The following HRG variants were observed in gnomAD, a reference collection of about 807,000 sequenced individuals.
HRG encodes histidine rich glycoprotein.
In HRG, 26 loss-of-function variants were observed where a neutral mutation model predicts 29.5. That is an observed-to-expected ratio of 0.88 (90% CI 0.65 to 1.22). The LOEUF (loss-of-function observed/expected upper bound fraction) is 1.22, where lower values mean the gene tolerates loss of function less well. Among genes scored for constraint, HRG ranks in the 50% most tolerant of loss-of-function variants. The pLI is 0.00. For synonymous variants in HRG, 243 were observed against 240.4 expected (o/e 1.01, Z -0.10); for missense variants, 671 against 654.5 (o/e 1.03, Z -0.28).
intron 1 of HRG, 119 bp from the exon 2 acceptor site, chr3:186,668,816 C>A: frequency 1.4e-6 from 1 of 691,056 alleles, no homozygotes. Context: ...AGAGCATCTG[C>A]AAAGACAGTG....
chr3:186,676,164 C>T (rs148146926), intron 6 of HRG, among the ~76,000 whole-genome samples: 2,404 of 152,026 alleles, frequency 0.016, 60 homozygotes, highest in African/African-American at 0.055. Context: ...CCACCGTGCC[C>T]GGCCTCTGTA....
chr3:186,670,137 A>G (rs1718742354), intron 3 of HRG, 109 bp downstream of exon 3: 1 of 734,018 alleles, frequency 1.4e-6, no homozygotes, highest in East Asian at 2.6e-5. Flanking sequence ...ATTCAGATGT[A>G]TTCATGTATA....
At position 186,677,955 on chromosome 3, in the gene HRG, G is replaced by T. The variant is rs1206114771; in HGVS notation, c.*72G>T. On this transcript the variant is annotated 3_prime_UTR_variant, in exon 7 of 7. Coordinates refer to ENST00000232003, the MANE Select transcript of HRG (RefSeq NM_000412.5). ...AACATAAATAAAATGACCAGTAATT[G>T]TGAAAATTACAGTTCTTTTCAACCT... is the stretch of plus-strand genomic sequence containing the variant. 1.4e-6 allele frequency: 2 copies of T among 1,443,216 alleles called. No homozygotes were observed. Among genetic ancestry groups the T allele is most frequent in the South Asian group, 1.2e-5 (1 of 84,298 alleles). 89.4% of individuals were successfully genotyped at this position (1,443,216 alleles called of 1,614,324 possible).
At chr3:186,669,179 G>A (rs1718707710) in intron 2 of HRG, 128 bp downstream of exon 2, 4 of 765,430 alleles carry the variant, frequency 5.2e-6, no homozygotes, top group South Asian at 4.1e-5. Context: ...GATTCATGAA[G>A]ATGATGTTAA....
chr3:186,677,840 T>C lies in HRG; in HGVS notation c.1535T>C (p.Phe512Ser). The change falls in exon 7 of 7, where the codon TTT becomes TCT. Residue 512 changes from phenylalanine to serine, a missense_variant. Transcript: ENST00000232003. The part of the protein sequence containing the change: ...ESCPGKFKSG[F>S]PQVSMFFTHT... ...TGTCCAGGGAAGTTCAAGAGTGGGT[T>C]TCCACAAGTTTCCATGTTTTTTACA... 4 of 1,614,176 alleles carry C rather than the reference T, an allele frequency of 2.5e-6. No homozygotes were observed. In the South Asian group the frequency reaches 4.4e-5, roughly 18 times the overall value.
In HRG at chr3:186,677,738, C is replaced by T. The variant is rs771755715; in HGVS notation, c.1433C>T (p.Pro478Leu). The T allele has an allele frequency of 8.1e-6, 13 of 1,611,168 alleles. No homozygotes were observed. The East Asian group carries it at 2.9e-4, about 36-fold the overall frequency. ...CTGCCACTTCCTGAGGCCAATTTTC[C>T]CAGCTTCCCATTGCCGCACCACAAA... ...EVLPLPEANFPSFPLPHHKHP... is the reference protein window; with the variant it reads ...EVLPLPEANFLSFPLPHHKHP... Residue 478 changes from proline (P) to leucine (L), a missense_variant, in exon 7 of 7, where the codon CCC (proline) becomes CTC (leucine). Physicochemically the swap from Pro to Leu is moderately conservative, Grantham distance 98 (BLOSUM62 -3). Coordinates refer to ENST00000232003, the MANE Select transcript of HRG (RefSeq NM_000412.5).
chr3:186,666,257 A>G (rs1175511721), intron 1 of HRG, 43 bp downstream of exon 1: 1 of 1,598,412 alleles, frequency 6.3e-7, no homozygotes, highest in African/African-American at 1.3e-5. Context: ...GAGATTACTC[A>G]CGGGGGCAAA....
At chr3:186,669,084 T>C in intron 2 of HRG, 33 bp downstream of exon 2, 2 of 1,128,754 alleles carry the variant, frequency 1.8e-6, no homozygotes, top group East Asian at 2.3e-5. Context: ...CTCTGCTCTT[T>C]TCATTCTTAT....
At chr3:186,675,298 T>TGA (rs1458279876) in intron 6 of HRG, 108 bp downstream of exon 6, 147 of 618,366 alleles carry the variant, frequency 2.4e-4, no homozygotes, top group African/African-American at 1.6e-3. Flanking sequence ...TGTGTGTGTG[T>TGA]GTGTGTGTGT....
chr3:186,669,004 T>C lies in HRG; in HGVS notation c.253T>C (p.Tyr85His). Residue 85 changes from tyrosine (Y) to histidine (H), a missense_variant, in exon 2 of 7, where the codon TAC becomes CAC. By Grantham distance (83) the Tyr-to-His change is moderately conservative. Coordinates refer to ENST00000232003, the MANE Select transcript of HRG (RefSeq NM_000412.5). The part of the protein sequence containing the change: ...ESDCSVLSRK[Y>H]WNDCEPPDSR... ...GGACTGTTCGGTCCTATCCAGGAAA[T>C]ACTGGAATGACTGTGAGCCACCTGA... 1 of 1,612,344 alleles carries C rather than the reference T, an allele frequency of 6.2e-7. No homozygotes were observed. The highest frequency in any genetic ancestry group is 8.5e-7 in the Non-Finnish European group (1 of 1,178,364).
At chr3:186,671,845 G>T in intron 4 of HRG, 56 bp downstream of exon 4, 1 of 1,485,972 alleles carries the variant, frequency 6.7e-7, no homozygotes, top group Non-Finnish European at 9.4e-7. Flanking sequence ...CAACCTGGCA[G>T]CAGGAACTGA....
rs757366154 is a variant in HRG at position 186,666,191 on chromosome 3, G to T, written c.160G>T (p.Ala54Ser). Reference sequence around the variant, plus strand: ...CTACCTTTTCCAATTGCTGCGGATTGCTGATGCCCACTTGGACAGAGTGGT... The same window carrying T: ...CTACCTTTTCCAATTGCTGCGGATTTCTGATGCCCACTTGGACAGAGTGGT... ...DGYLFQLLRI[A>S]DAHLDRVENT... The change falls in exon 1 of 7, where the codon GCT becomes TCT. Residue 54 changes from alanine to serine, a missense_variant. Physicochemically the swap from Ala to Ser is moderately conservative, Grantham distance 99. Coordinates refer to ENST00000232003, the MANE Select transcript of HRG (RefSeq NM_000412.5). 1.9e-6 allele frequency: 3 copies of T among 1,613,996 alleles called. No individual in the cohort carries two copies. In the South Asian group the frequency reaches 3.3e-5, roughly 18 times the overall value.
At chr3:186,672,725 A>T in intron 4 of HRG, 62 bp from the exon 5 acceptor site, 1 of 1,041,510 alleles carries the variant, frequency 9.6e-7, no homozygotes, top group Non-Finnish European at 1.5e-6. Context: ...GTAGTTATCT[A>T]CTGCTTTTTT....
At position 186,677,276 on chromosome 3, in the gene HRG, G is replaced by A; in HGVS notation, c.971G>A (p.Cys324Tyr). The A allele has an allele frequency of 6.2e-7, 1 of 1,614,034 alleles. No homozygotes were observed. The highest frequency in any genetic ancestry group is 8.5e-7 in the Non-Finnish European group (1 of 1,179,994). The change falls in exon 7 of 7, where the codon TGC (cysteine) becomes TAC (tyrosine). Residue 324 changes from cysteine (C) to tyrosine (Y), a missense_variant. Cys to Tyr is a radical substitution (Grantham distance 194). Coordinates refer to ENST00000232003, the MANE Select transcript of HRG (RefSeq NM_000412.5). ...CCTCCTCCACTATTGCCCATGTCCT[G>A]CTCAAGTTGTCAACATGCCACTTTT... ...QGPPPLLPMS[C>Y]SSCQHATFGT... is the part of the protein sequence containing the mutation.
intron 3 of HRG, among the ~76,000 whole-genome samples, chr3:186,671,258 CATATGAT>C (rs1718780004): frequency 1.4e-5 from 2 of 145,100 alleles, no homozygotes; most frequent in Non-Finnish European, 3.0e-5. Context: ...AATATAAAAA[CATATGAT>C]ATATTATATA....
intron 1 of HRG, among the ~76,000 whole-genome samples, chr3:186,667,679 T>C (rs1488202871): frequency 3.3e-5 from 5 of 151,974 alleles, no homozygotes; most frequent in African/African-American, 1.2e-4. Context: ...CCTGGTGAAT[T>C]CCTGGCACCA....
Position 186,666,071 on chromosome 3 carries a change from C to A in HRG, c.40C>A (p.Gln14Lys). Residue 14 changes from glutamine (Q) to lysine (K), a missense_variant, in exon 1 of 7, where the codon CAG becomes AAG. Transcript: ENST00000232003. ...TGCAGCACTGCTTTTGATCACATTG[C>A]AGTATTCGTGTGCCGTGAGTCCCAC... The part of the protein sequence containing the change: ...LIAALLLITL[Q>K]YSCAVSPTDC... 1 of 1,614,202 alleles carries A rather than the reference C, an allele frequency of 6.2e-7. No homozygotes were observed. The highest frequency in any genetic ancestry group is 8.5e-7 in the Non-Finnish European group (1 of 1,180,020).
At chr3:186,666,845 A>C (rs1718626724) in intron 1 of HRG, 1 of 154,456 alleles carries the variant, frequency 6.5e-6, no homozygotes. Context: ...CTCGGGAGGC[A>C]GAGGTTGCAG....
At chr3:186,666,349 C>G in intron 1 of HRG, 135 bp downstream of exon 1, 1 of 814,760 alleles carries the variant, frequency 1.2e-6, no homozygotes, top group Non-Finnish European at 2.0e-6. Context: ...TGCGGCTGCT[C>G]TAAATTGTTC....
Sources: allele counts gnomAD v4.1 joint callset (sites outside exome capture counted in the v4.1 genomes callset), GRCh38; gene constraint gnomAD v4.1.1; transcripts MANE v1.5; gene names NCBI Gene and HGNC (gene_info 2026-07-23, HGNC 2026-07-21).